Variants in COMMD7 observed in about 807,000 individuals in gnomAD.
The protein encoded by COMMD7 is COMM domain-containing protein 7.
Under a neutral mutation model 34.8 loss-of-function variants are expected in COMMD7, and 28 were observed. The ratio of observed to expected loss-of-function variants is 0.80; its 90% CI spans 0.60 to 1.10. The LOEUF (loss-of-function observed/expected upper bound fraction) is 1.10, where lower values mean the gene tolerates loss of function less well. COMMD7 is among the 50% of genes least tolerant of loss of function. COMMD7 has a pLI of 0.00. For synonymous variants in COMMD7, 80 were observed against 86.4 expected (o/e 0.93, Z 0.41); for missense variants, 211 against 241.6 (o/e 0.87, Z 0.84).
intron 3 of COMMD7, among the ~76,000 whole-genome samples, chr20:32,721,896 CAAAAAA>C (rs34241116): frequency 2.2e-5 from 3 of 138,922 alleles, no homozygotes; most frequent in Non-Finnish European, 4.6e-5. Flanking sequence ...GACGTTGTCT[CAAAAAA>C]AAAAAAAAAT....
intron 3 of COMMD7, among the ~76,000 whole-genome samples, chr20:32,710,531 G>GACC (rs1418552994): frequency 6.6e-6 from 1 of 151,080 alleles, no homozygotes; most frequent in Non-Finnish European, 1.5e-5. Flanking sequence ...AGGGGTTCAA[G>GACC]ACCAGTCTGG....
At chr20:32,729,833 C>T (rs930300990) in intron 1 of COMMD7, among the ~76,000 whole-genome samples, 1 of 145,502 alleles carries the variant, frequency 6.9e-6, no homozygotes, top group Non-Finnish European at 1.5e-5. Context: ...AGTGAAACCC[C>T]GTCTCTACTA....
intron 3 of COMMD7, among the ~76,000 whole-genome samples, chr20:32,709,873 AT>A (rs1031569254): frequency 1.4e-5 from 2 of 138,938 alleles, no homozygotes; most frequent in African/African-American, 5.4e-5. Flanking sequence ...TCTATTTCAC[AT>A]TTTTTCTTTT....
At chr20:32,707,292 A>ATATATAT (rs1208406589) in intron 3 of COMMD7, among the ~76,000 whole-genome samples, 1 of 92,460 alleles carries the variant, frequency 1.1e-5, no homozygotes, top group African/African-American at 3.2e-5. Context: ...TCAAAAAAAA[A>ATATATAT]AAATATATAT....
chr20:32,719,367 G>C (rs1418240673), intron 3 of COMMD7, among the ~76,000 whole-genome samples: 1 of 152,196 alleles, frequency 6.6e-6, no homozygotes, highest in Non-Finnish European at 1.5e-5. Flanking sequence ...GGACAGGAAG[G>C]CCGGGAGCAG....
intron 3 of COMMD7, among the ~76,000 whole-genome samples, chr20:32,712,612 T>TA (rs34447587): frequency 0.3 from 41,844 of 141,734 alleles, 6,428 homozygotes; most frequent in Middle Eastern, 0.41. Flanking sequence ...CCCAGACCTT[T>TA]AAAAAAAAAA....
intron 3 of COMMD7, among the ~76,000 whole-genome samples, chr20:32,727,397 C>T (rs1985571640): frequency 6.6e-6 from 1 of 151,418 alleles, no homozygotes; most frequent in Non-Finnish European, 1.5e-5. Context: ...ATTAGCTGGG[C>T]GTGGTGGTGC....
At chr20:32,710,238 T>C (rs906038993) in intron 3 of COMMD7, among the ~76,000 whole-genome samples, 7 of 152,106 alleles carry the variant, frequency 4.6e-5, no homozygotes, top group African/African-American at 7.2e-5. Context: ...ATATTCTGCA[T>C]TGCATTTATA....
At chr20:32,736,105 A>G (rs1213013535) in intron 1 of COMMD7, among the ~76,000 whole-genome samples, 3 of 152,180 alleles carry the variant, frequency 2.0e-5, no homozygotes, top group Non-Finnish European at 4.4e-5. Context: ...GGCCTTGACC[A>G]TCAAATATTC....
intron 3 of COMMD7, among the ~76,000 whole-genome samples, chr20:32,725,658 G>A (rs1052384782): frequency 5.3e-5 from 8 of 152,048 alleles, no homozygotes; most frequent in Non-Finnish European, 8.8e-5. Context: ...TCGATCTCCT[G>A]ACCTCGTGAT....
chr20:32,714,752 A>G (rs1013240970), intron 3 of COMMD7, among the ~76,000 whole-genome samples: 3 of 151,916 alleles, frequency 2.0e-5, no homozygotes, highest in African/African-American at 7.3e-5. Flanking sequence ...TGAACCTGGG[A>G]GGTGGAGGTT....
chr20:32,742,803 G>A (rs894467248), intron 1 of COMMD7, among the ~76,000 whole-genome samples: 2 of 152,044 alleles, frequency 1.3e-5, no homozygotes, highest in African/African-American at 2.4e-5. Context: ...GGCAGCCCAG[G>A]CCAAGCTTCC....
rs112412280 is a variant in COMMD7, at chr20:32,727,563, T to A, written c.241+330A>T. Among the ~76,000 whole-genome samples the A allele has an allele frequency of 4.4e-3, 669 of 150,914 alleles. 4 individuals are homozygous for A. The highest frequency in any genetic ancestry group is 0.016 in the African/African-American group (634 of 40,854). On this transcript the variant is annotated intron_variant, in intron 3 of 8. Transcript: ENST00000278980. ...AAAAAAAAAAAAAAAAGTATTAGAT[T>A]CAAGGGACATTGTCAAATTGCTATA...
rs892450211 is a variant in COMMD7 at position 32,740,249 on chromosome 20, G to A, written c.84+3059C>T. Among the ~76,000 whole-genome samples the A allele has an allele frequency of 1.3e-4, 19 of 149,390 alleles. 1 individual carries two copies. In the South Asian group the frequency reaches 2.0e-3, roughly 16 times the overall value. The stretch of plus-strand genomic sequence containing the variant: ...GGAAAATGGCGTGAACCCGGGAGGC[G>A]GAGCTTGCAGTGAGCCGAGATCACG... On this transcript the variant is annotated intron_variant, in intron 1 of 8. Coordinates refer to ENST00000278980, the MANE Select transcript of COMMD7 (RefSeq NM_053041.3).
intron 3 of COMMD7, among the ~76,000 whole-genome samples, chr20:32,706,978 A>AAT (rs1375834388): frequency 6.6e-6 from 1 of 151,630 alleles, no homozygotes; most frequent in Non-Finnish European, 1.5e-5. Context: ...TTATTTAAAA[A>AAT]ATATATTTAT....
At chr20:32,722,833 A>G (rs1177923167) in intron 3 of COMMD7, among the ~76,000 whole-genome samples, 2 of 151,224 alleles carry the variant, frequency 1.3e-5, no homozygotes, top group Non-Finnish European at 2.9e-5. Flanking sequence ...CATCCTGGCT[A>G]ACACGGTGAA....
In COMMD7 at chr20:32,723,045, A is replaced by AAATAATAATAAT. The variant is rs769702109; in HGVS notation, c.241+4836_241+4847dup. On this transcript the variant is annotated intron_variant, in intron 3 of 8. Transcript: ENST00000278980. The stretch of plus-strand genomic sequence containing the variant: ...AAAATAAATAAATAAATAAATAAAT[A>AAATAATAATAAT]AATAATAATAATAATAATAAAGACT... 4.5e-4 allele frequency among the ~76,000 whole-genome samples: 18 copies of AAATAATAATAAT among 40,404 alleles called. 1 individual carries two copies. In the East Asian group the frequency reaches 5.7e-3, roughly 13 times the overall value. 26.5% of individuals were successfully genotyped at this position (40,404 alleles called of 152,430 possible).
chr20:32,731,303 AC>A (rs1985823122), intron 1 of COMMD7, among the ~76,000 whole-genome samples: 1 of 152,124 alleles, frequency 6.6e-6, no homozygotes, highest in Non-Finnish European at 1.5e-5. Flanking sequence ...GAGTGACAGA[AC>A]AAGATCCTAG....
intron 1 of COMMD7, among the ~76,000 whole-genome samples, chr20:32,741,428 T>C (rs535186188): frequency 1.3e-5 from 2 of 149,528 alleles, no homozygotes; most frequent in African/African-American, 2.5e-5. Flanking sequence ...TCTCACTCTA[T>C]TGCCCAGGCT....
Sources: gnomAD v4.1 joint callset for allele counts (sites outside exome capture counted in the v4.1 genomes callset) on GRCh38, gnomAD v4.1.1 for gene constraint, MANE v1.5 for transcripts, NCBI Gene and HGNC (gene_info 2026-07-23, HGNC 2026-07-21) for gene names.